Variants in PALM2AKAP2 observed in about 807,000 individuals in gnomAD.
PALM2AKAP2 encodes PALM2-AKAP2 fusion protein.
A neutral mutation model predicts 71.5 loss-of-function variants in PALM2AKAP2; 37 were observed. The ratio of observed to expected loss-of-function variants is 0.52; its 90% CI spans 0.40 to 0.68. The LOEUF (loss-of-function observed/expected upper bound fraction) is 0.68. Ranked by LOEUF, PALM2AKAP2 falls within the 30% of genes least tolerant of loss-of-function variation. The pLI is 0.00. For missense variants in PALM2AKAP2, 1,224 were observed against 1,191.8 expected (o/e 1.03, Z -0.40); for synonymous variants, 468 against 478.8 (o/e 0.98, Z 0.29).
chr9:109,988,990 G>A (rs1359686206), intron 6 of PALM2AKAP2, among the ~76,000 whole-genome samples: 1 of 152,120 alleles, frequency 6.6e-6, no homozygotes, highest in Non-Finnish European at 1.5e-5. Context: ...TGTAAGATGT[G>A]CCTTTGCCTT....
At chr9:109,955,891 C>T (rs145633002) in intron 6 of PALM2AKAP2, among the ~76,000 whole-genome samples, 7 of 149,386 alleles carry the variant, frequency 4.7e-5, no homozygotes, top group South Asian at 2.3e-4. Flanking sequence ...GAGCCGAGAT[C>T]GTGCCACTGC....
chr9:109,647,001 T>A (rs2132229123), intron 1 of PALM2AKAP2, among the ~76,000 whole-genome samples: 1 of 152,326 alleles, frequency 6.6e-6, no homozygotes, highest in East Asian at 1.9e-4. Context: ...GAAGTAAATA[T>A]CCCCATTTTC....
chr9:109,932,264 C>T (rs546733356), intron 6 of PALM2AKAP2, among the ~76,000 whole-genome samples: 39 of 152,296 alleles, frequency 2.6e-4, no homozygotes, highest in African/African-American at 8.9e-4. Flanking sequence ...CCTCCGACTT[C>T]GGGGGAGTCT....
chr9:110,159,673 C>T (rs1463703671), intron 3 of PALM2AKAP2, among the ~76,000 whole-genome samples: 5 of 152,156 alleles, frequency 3.3e-5, no homozygotes, highest in Non-Finnish European at 7.3e-5. Flanking sequence ...GTAGCTACGG[C>T]TGAAGTTTTG....
At position 109,754,612 on chromosome 9, in the gene PALM2AKAP2, A is replaced by G. The variant is rs80081740; in HGVS notation, c.6-25876A>G. Among the ~76,000 whole-genome samples the G allele has an allele frequency of 2.3e-3, 353 of 152,266 alleles. 1 individual carries two copies. The highest frequency in any genetic ancestry group is 8.3e-3 in the African/African-American group (343 of 41,570). On this transcript the variant is annotated intron_variant, in intron 1 of 6. Transcript: ENST00000374531. ...GACTGAGATTTCTGAGACAACAGAA[A>G]TTCATTTCTCACAGTTGTGGAGGCT...
chr9:109,810,385 A>G (rs1350085329), intron 1 of PALM2AKAP2, among the ~76,000 whole-genome samples: 1 of 152,196 alleles, frequency 6.6e-6, no homozygotes, highest in East Asian at 1.9e-4. Flanking sequence ...GAGAGGACTA[A>G]GAGAACTAGG....
At chr9:109,673,697 G>A (rs1444686178) in intron 1 of PALM2AKAP2, among the ~76,000 whole-genome samples, 2 of 152,054 alleles carry the variant, frequency 1.3e-5, no homozygotes, top group African/African-American at 2.4e-5. Context: ...TCAGTGGGGT[G>A]TTAATAGTCT....
At chr9:109,830,582 T>C (rs1295038329) in intron 1 of PALM2AKAP2, among the ~76,000 whole-genome samples, 3 of 152,218 alleles carry the variant, frequency 2.0e-5, no homozygotes, top group African/African-American at 7.2e-5. Context: ...CAAGCAGTGG[T>C]TCTACTCACT....
intron 1 of PALM2AKAP2, among the ~76,000 whole-genome samples, chr9:109,711,678 CCTT>C (rs905476894): frequency 1.1e-4 from 16 of 152,200 alleles, no homozygotes; most frequent in African/African-American, 3.6e-4. Context: ...AAGGTGGCAT[CCTT>C]CTCCCTGTGA....
intron 1 of PALM2AKAP2, among the ~76,000 whole-genome samples, chr9:109,686,888 T>A (rs1199089760): frequency 6.8e-6 from 1 of 147,228 alleles, no homozygotes; most frequent in Non-Finnish European, 1.5e-5. Context: ...CCATGTGTTC[T>A]CATTGTTCAA....
intron 1 of PALM2AKAP2, among the ~76,000 whole-genome samples, chr9:109,804,173 T>C (rs1827514208): frequency 6.6e-6 from 1 of 152,208 alleles, no homozygotes; most frequent in Non-Finnish European, 1.5e-5. Context: ...GATGTTGTTT[T>C]GTCTGTGTCA....
At chr9:109,664,295 A>G (rs954678138) in intron 1 of PALM2AKAP2, among the ~76,000 whole-genome samples, 1 of 152,096 alleles carries the variant, frequency 6.6e-6, no homozygotes, top group Non-Finnish European at 1.5e-5. Flanking sequence ...GATGGTCTTT[A>G]CAGTTTTGCC....
At chr9:109,883,832 G>C (rs974891817) in intron 3 of PALM2AKAP2, among the ~76,000 whole-genome samples, 1 of 152,188 alleles carries the variant, frequency 6.6e-6, no homozygotes, top group Admixed American at 6.5e-5. Context: ...TCTAATCTGC[G>C]TGTTGCCTGA....
At chr9:109,876,883 G>C (rs1443810012) in intron 2 of PALM2AKAP2, among the ~76,000 whole-genome samples, 1 of 131,370 alleles carries the variant, frequency 7.6e-6, no homozygotes, top group Non-Finnish European at 1.6e-5. Flanking sequence ...GAAGTAGAGG[G>C]ACATGCACCT....
chr9:110,001,450 C>T (rs9695246), intron 6 of PALM2AKAP2, among the ~76,000 whole-genome samples: 3,147 of 152,120 alleles, frequency 0.021, 109 homozygotes, highest in African/African-American at 0.072. Context: ...GGTAGCGTGA[C>T]GCCTCCAGCT....
At chr9:109,740,047 T>A (rs900916491) in intron 1 of PALM2AKAP2, among the ~76,000 whole-genome samples, 7 of 152,238 alleles carry the variant, frequency 4.6e-5, no homozygotes, top group African/African-American at 1.2e-4. Context: ...TTTTAAAATG[T>A]AAGTGTTTTG....
chr9:110,118,015 A>AT (rs1554753760), intron 1 of PALM2AKAP2, among the ~76,000 whole-genome samples: 1 of 119,316 alleles, frequency 8.4e-6, no homozygotes, highest in African/African-American at 3.8e-5. Context: ...GTGTGTATGT[A>AT]GTTCTACTTC....
At chr9:109,769,014 A>G (rs1379994970) in intron 1 of PALM2AKAP2, among the ~76,000 whole-genome samples, 1 of 151,874 alleles carries the variant, frequency 6.6e-6, no homozygotes, top group African/African-American at 2.4e-5. Context: ...CCAGTCTTCT[A>G]TTCATACTTT....
chr9:109,798,994 C>T (rs1290470865), intron 1 of PALM2AKAP2, among the ~76,000 whole-genome samples: 3 of 152,176 alleles, frequency 2.0e-5, no homozygotes, highest in Non-Finnish European at 4.4e-5. Context: ...GTTGTGCGGA[C>T]CATGCAACCC....
Sources: allele counts gnomAD v4.1 joint callset (sites outside exome capture counted in the v4.1 genomes callset), GRCh38; gene constraint gnomAD v4.1.1; transcripts MANE v1.5; gene names NCBI Gene and HGNC (gene_info 2026-07-23, HGNC 2026-07-21).